The following TRPM8 variants were observed in gnomAD, a reference collection of about 807,000 sequenced individuals.
TRPM8 encodes the protein transient receptor potential cation channel subfamily M member 8.
In TRPM8, 110 loss-of-function variants were observed where a neutral mutation model predicts 133.7. The ratio of observed to expected loss-of-function variants is 0.82; its 90% CI spans 0.70 to 0.96. The LOEUF is 0.96. Ranked by LOEUF, TRPM8 falls within the 40% of genes least tolerant of loss-of-function variation. The pLI is 0.00. For synonymous variants in TRPM8, 535 were observed against 532.3 expected, an observed-to-expected ratio of 1.01 and a Z score of -0.07; for missense variants, 1,291 against 1,379.5, an observed-to-expected ratio of 0.94 and a Z score of 1.02.
At chr2:233,962,555 G>T (rs770874315) in intron 12 of TRPM8, among the ~76,000 whole-genome samples, 4 of 152,116 alleles carry the variant, frequency 2.6e-5, no homozygotes, top group African/African-American at 4.8e-5. Flanking sequence ...ATTATCCTTT[G>T]TAATTATGGA....
intron 8 of TRPM8, among the ~76,000 whole-genome samples, chr2:233,948,315 AT>A (rs967997279): frequency 3.9e-5 from 6 of 152,056 alleles, no homozygotes; most frequent in Non-Finnish European, 7.4e-5. Flanking sequence ...TAAAATAGAG[AT>A]TTTTTTTCAG....
At chr2:233,984,626 G>A (rs530806747) in intron 20 of TRPM8, among the ~76,000 whole-genome samples, 5 of 152,044 alleles carry the variant, frequency 3.3e-5, no homozygotes, top group Admixed American at 6.5e-5. Context: ...AGCCATCCTC[G>A]TCGCTTGCCT....
chr2:233,961,081 A>G lies in TRPM8; in HGVS notation c.1653+15A>G, dbSNP rs1440322438. On this transcript the variant is annotated intron_variant, in intron 12 of 25. Transcript: ENST00000324695. ...TAGAACTCCACGTAGGTACTGGGAGAGTTGCCTGCTTGAGTTCTCGGATAT... is the reference window on the plus strand; with the variant it reads ...TAGAACTCCACGTAGGTACTGGGAGGGTTGCCTGCTTGAGTTCTCGGATAT... The G allele has an allele frequency of 8.1e-6, 13 of 1,607,438 alleles. No individual in the cohort carries two copies. The highest frequency in any genetic ancestry group is 4.5e-5 in the East Asian group (2 of 44,766).
At chr2:233,986,079 G>A (rs1363999456) in intron 21 of TRPM8, among the ~76,000 whole-genome samples, 8 of 152,226 alleles carry the variant, frequency 5.3e-5, no homozygotes, top group Non-Finnish European at 1.5e-5. Context: ...CTGAAGACAA[G>A]CACCTGTGAC....
At chr2:233,946,164 T>A in intron 7 of TRPM8, 134 bp downstream of exon 7, 1 of 880,864 alleles carries the variant, frequency 1.1e-6, no homozygotes, top group South Asian at 1.8e-5. Context: ...GCCAAAGAAC[T>A]GTTATTTCTC....
chr2:233,937,348 A>T lies in TRPM8; in HGVS notation c.192-5A>T. 6.2e-7 allele frequency: 1 copy of T among 1,614,030 alleles called. No individual in the cohort carries two copies. Among genetic ancestry groups the T allele is most frequent in the South Asian group, 1.1e-5 (1 of 90,988 alleles). On this transcript the variant is annotated splice_region_variant and splice_polypyrimidine_tract_variant and intron_variant, in intron 3 of 25. Transcript: ENST00000324695. ...CCTTCCTGTCCACACCATCGTGCTT[A>T]TCAGGGAGAATGTGTGCAAGTGTGG...
intron 17 of TRPM8, among the ~76,000 whole-genome samples, chr2:233,973,355 G>A (rs936480019): frequency 6.6e-6 from 1 of 152,192 alleles, no homozygotes; most frequent in Non-Finnish European, 1.5e-5. Context: ...TCTGGAGGCT[G>A]TGCGGGAGAC....
chr2:233,970,617 T>C, intron 17 of TRPM8, 191 bp downstream of exon 17: 2 of 603,714 alleles, frequency 3.3e-6, no homozygotes, highest in South Asian at 4.0e-5. Context: ...TAAGGTCTCC[T>C]AGTACCAAGT....
chr2:233,968,152 G>A (rs17874950), intron 15 of TRPM8: 9,278 of 152,174 alleles, frequency 0.061, 428 homozygotes, highest in Non-Finnish European at 0.092. Context: ...ATGGCCTGGC[G>A]TCTGCATCAC....
intron 13 of TRPM8, among the ~76,000 whole-genome samples, chr2:233,964,005 G>A (rs1358834074): frequency 1.3e-5 from 2 of 152,058 alleles, no homozygotes; most frequent in Non-Finnish European, 2.9e-5. Context: ...TTTTTATATG[G>A]TAATTCTATG....
At chr2:233,994,676 C>T (rs906659915) in intron 21 of TRPM8, among the ~76,000 whole-genome samples, 4 of 152,056 alleles carry the variant, frequency 2.6e-5, no homozygotes, top group Non-Finnish European at 4.4e-5. Context: ...CAGTGTTTTG[C>T]GTAGGTATCC....
At chr2:233,984,298 G>A (rs1335619588) in intron 20 of TRPM8, among the ~76,000 whole-genome samples, 2 of 152,074 alleles carry the variant, frequency 1.3e-5, no homozygotes, top group African/African-American at 4.8e-5. Context: ...TCTCTGGCAC[G>A]GAGCAGCTCT....
intron 11 of TRPM8, among the ~76,000 whole-genome samples, chr2:233,956,084 G>A (rs1691287909): frequency 6.6e-6 from 1 of 152,088 alleles, no homozygotes; most frequent in Non-Finnish European, 1.5e-5. Flanking sequence ...ATGGAGAGTA[G>A]TATAATTATC....
At chr2:233,967,930 G>C (rs1474560396) in intron 15 of TRPM8, among the ~76,000 whole-genome samples, 2 of 152,048 alleles carry the variant, frequency 1.3e-5, no homozygotes, top group Non-Finnish European at 2.9e-5. Flanking sequence ...CTCCTGTCCA[G>C]GTTCACAGAT....
intron 13 of TRPM8, among the ~76,000 whole-genome samples, chr2:233,963,972 T>C (rs1691500786): frequency 6.6e-6 from 1 of 152,196 alleles, no homozygotes; most frequent in South Asian, 2.1e-4. Context: ...TACTGTCATT[T>C]CTCATGGCAT....
At chr2:234,008,169 T>G (rs1394363063) in intron 24 of TRPM8, 66 bp downstream of exon 24, 1 of 1,438,646 alleles carries the variant, frequency 7.0e-7, no homozygotes, top group African/African-American at 1.4e-5. Flanking sequence ...AGCTTTCAGC[T>G]AGAGGCCAGT....
chr2:233,926,754 C>G, intron 2 of TRPM8, 100 bp downstream of exon 2: 1 of 887,654 alleles, frequency 1.1e-6, no homozygotes, highest in East Asian at 2.6e-5. Flanking sequence ...ATTTTAAATG[C>G]CATGTCTTTA....
intron 21 of TRPM8, among the ~76,000 whole-genome samples, chr2:233,993,813 A>G (rs1175204929): frequency 6.6e-6 from 1 of 152,188 alleles, no homozygotes; most frequent in Non-Finnish European, 1.5e-5. Flanking sequence ...TCTCTTTTCA[A>G]TAGGACTTAT....
rs1274741874 is a variant in TRPM8 at position 234,017,540 on chromosome 2, A to C, written c.*284A>C. On this transcript the variant is annotated 3_prime_UTR_variant, in exon 26 of 26. Coordinates refer to ENST00000324695, the MANE Select transcript of TRPM8 (RefSeq NM_024080.5). ...TCAATGCCTGGGACTGGAGGTTGATAGTTTAAGTGTGTTCTTACCGCCTCC... is the reference window on the plus strand; with the variant it reads ...TCAATGCCTGGGACTGGAGGTTGATCGTTTAAGTGTGTTCTTACCGCCTCC... The C allele has an allele frequency of 2.9e-6, 1 of 343,646 alleles. No individual in the cohort carries two copies. The highest frequency in any genetic ancestry group is 2.2e-5 in the African/African-American group (1 of 46,310). 21.3% of individuals were successfully genotyped at this position (343,646 alleles called of 1,614,324 possible).
Sources: gnomAD v4.1 joint callset for allele counts (sites outside exome capture counted in the v4.1 genomes callset) on GRCh38, gnomAD v4.1.1 for gene constraint, MANE v1.5 for transcripts, NCBI Gene and HGNC (gene_info 2026-07-23, HGNC 2026-07-21) for gene names.